The following METTL17 variants were observed in gnomAD, a reference collection of about 807,000 sequenced individuals.
METTL17 encodes methyltransferase like 17, also known as ribosome assembly protein METTL17, mitochondrial.
In METTL17, 49 loss-of-function variants were observed where a neutral mutation model predicts 59.4. The ratio of observed to expected loss-of-function variants is 0.82; its 90% CI spans 0.66 to 1.05. The LOEUF is 1.05. Ranked by LOEUF, METTL17 falls within the 50% of genes least tolerant of loss-of-function variation. The pLI, the probability that METTL17 is intolerant of heterozygous loss-of-function variation, is 0.00. For synonymous variants in METTL17, 208 were observed against 209.2 expected, an observed-to-expected ratio of 0.99 and a Z score of 0.05; for missense variants, 555 against 578.4, an observed-to-expected ratio of 0.96 and a Z score of 0.41.
chr14:20,992,957 A>G (rs1280891770), intron 5 of METTL17, 161 bp from the exon 6 acceptor site: 1 of 660,310 alleles, frequency 1.5e-6, no homozygotes, highest in Non-Finnish European at 2.7e-6. Flanking sequence ...AAAGGTTTAG[A>G]ATCACTATTT....
chr14:20,996,004 C>T lies in METTL17; in HGVS notation c.996+53C>T, dbSNP rs368836904. ...ACACGGATCTGAACTTAGGCGTGGCCGGGAAATGTAAGATGGTAAAGCTAA... is the reference window on the plus strand; with the variant it reads ...ACACGGATCTGAACTTAGGCGTGGCTGGGAAATGTAAGATGGTAAAGCTAA... On this transcript the variant is annotated intron_variant, in intron 11 of 13. Transcript: ENST00000339374. 87 of 1,587,150 alleles carry T rather than the reference C, an allele frequency of 5.5e-5. 1 individual carries two copies. The highest frequency in any genetic ancestry group is 1.3e-4 in the African/African-American group (10 of 74,418).
At chr14:20,993,745 T>A (rs56023476) in intron 6 of METTL17, 19,550 of 331,506 alleles carry the variant, frequency 0.059, 771 homozygotes, top group Middle Eastern at 0.076. Context: ...AGTGCTGGGA[T>A]TACAAGCATG....
At chr14:20,994,396 C>G in intron 7 of METTL17, 147 bp from the exon 8 acceptor site, 1 of 725,490 alleles carries the variant, frequency 1.4e-6, no homozygotes, top group East Asian at 2.5e-5. Context: ...GCTGGGATTA[C>G]AGGCACGCAC....
chr14:20,996,389 A>G, intron 12 of METTL17, 97 bp downstream of exon 12: 2 of 1,497,356 alleles, frequency 1.3e-6, no homozygotes, highest in South Asian at 1.2e-5. Flanking sequence ...TTTGTAGAAT[A>G]GCCTGGAGAC....
At position 20,996,965 on chromosome 14, in the gene METTL17, G is replaced by C; in HGVS notation, c.*75G>C. The C allele has an allele frequency of 1.4e-6, 2 of 1,444,534 alleles. No homozygotes were observed. Among genetic ancestry groups the C allele is most frequent in the Non-Finnish European group, 1.9e-6 (2 of 1,058,154 alleles). The allele number at this position is 1,444,534 out of a possible 1,614,324, so 89.5% of individuals were successfully genotyped here. A position where few individuals can be genotyped will look rare whatever the true frequency, so the allele number is the denominator to read the frequency against. On this transcript the variant is annotated 3_prime_UTR_variant, in exon 14 of 14. Transcript: ENST00000339374. Reference sequence around the variant, plus strand: ...GCTGCCTGGTATCCAGGAGGGGAATGCTGGTATCCCCATATGTCTGTGTTT... The same window carrying C: ...GCTGCCTGGTATCCAGGAGGGGAATCCTGGTATCCCCATATGTCTGTGTTT...
At position 20,992,964 on chromosome 14, in the gene METTL17, A is replaced by G. The variant is rs992977008; in HGVS notation, c.529-154A>G. The stretch of plus-strand genomic sequence containing the variant: ...GACCCAAGAAAGGTTTAGAATCACT[A>G]TTTTAGGAGATTCTTATCCCATAAG... On this transcript the variant is annotated intron_variant, in intron 5 of 13. Coordinates refer to ENST00000339374, the MANE Select transcript of METTL17 (RefSeq NM_022734.3). 47 of 677,658 alleles carry G rather than the reference A, an allele frequency of 6.9e-5. 1 individual carries two copies. The East Asian group carries it at 8.0e-4, about 11-fold the overall frequency. The allele number at this position is 677,658 out of a possible 1,614,324, so 42.0% of individuals were successfully genotyped here. A position where few individuals can be genotyped will look rare whatever the true frequency, so the allele number is the denominator to read the frequency against.
At chr14:20,991,789 A>G (rs960126907) in intron 3 of METTL17, 1 of 233,780 alleles carries the variant, frequency 4.3e-6, no homozygotes, top group African/African-American at 2.4e-5. Context: ...TCAGCCTCCC[A>G]AAGTGCTGAG....
At chr14:20,995,692 T>C (rs534409958) in intron 10 of METTL17, 22 of 576,298 alleles carry the variant, frequency 3.8e-5, no homozygotes, top group South Asian at 3.4e-4. Flanking sequence ...AGCACCGTAC[T>C]ATGTGCCAAG....
intron 4 of METTL17, 24 bp from the exon 5 acceptor site, chr14:20,992,517 A>T: frequency 6.3e-7 from 1 of 1,576,968 alleles, no homozygotes; most frequent in Non-Finnish European, 8.7e-7. Context: ...ACTAGTATGT[A>T]CAACTCTGTG....
At chr14:20,995,380 G>A (rs1880310654) in intron 10 of METTL17, 147 bp downstream of exon 10, 1 of 703,500 alleles carries the variant, frequency 1.4e-6, no homozygotes, top group Non-Finnish European at 2.5e-6. Context: ...AGCAGTGGTT[G>A]GCAAATGAGA....
At position 20,992,561 on chromosome 14, in the gene METTL17, T is replaced by G. The variant is rs1291841708; in HGVS notation, c.467T>G (p.Leu156Arg). ...QELSYTEGLSLVYMAARLDGG... is the reference protein window; with the variant it reads ...QELSYTEGLSRVYMAARLDGG... ...GGCAGCTACACTGAGGGACTGAGCCTGGTGTATATGGCAGCAAGACTGGAT... is the reference window on the plus strand; with the variant it reads ...GGCAGCTACACTGAGGGACTGAGCCGGGTGTATATGGCAGCAAGACTGGAT... Residue 156 changes from leucine (L) to arginine (R), a missense_variant, in exon 5 of 14, where the codon CTG (leucine) becomes CGG (arginine). Coordinates refer to ENST00000339374, the MANE Select transcript of METTL17 (RefSeq NM_022734.3). The G allele has an allele frequency of 6.2e-7, 1 of 1,613,882 alleles. No homozygotes were observed. The highest frequency in any genetic ancestry group is 1.3e-5 in the African/African-American group (1 of 74,908).
Position 20,996,853 on chromosome 14 carries a change from T to C in METTL17, c.1334T>C (p.Phe445Ser), listed in dbSNP as rs1481747924. ...DLLPVLTPSA[F>S]PPSTAQDPSE... The stretch of plus-strand genomic sequence containing the variant: ...TTACCTGTGCTTACTCCGTCTGCGT[T>C]TCCTCCATCTACGGCTCAGGATCCC... Residue 445 changes from phenylalanine to serine, a missense_variant, in exon 14 of 14, where the codon TTT becomes TCT. By Grantham distance (155) the Phe-to-Ser change is radical. Transcript: ENST00000339374. The C allele has an allele frequency of 1.2e-6, 2 of 1,613,296 alleles. No individual in the cohort carries two copies. The highest frequency in any genetic ancestry group is 1.7e-5 in the Admixed American group (1 of 60,012).
Position 20,997,011 on chromosome 14 carries a change from A to G in METTL17, c.*121A>G, listed in dbSNP as rs1880425597. The G allele has an allele frequency of 2.8e-6, 3 of 1,068,616 alleles. 1 individual carries two copies. The East Asian group carries it at 8.3e-5, about 30-fold the overall frequency. The allele number at this position is 1,068,616 out of a possible 1,614,324, so 66.2% of individuals were successfully genotyped here. On this transcript the variant is annotated 3_prime_UTR_variant, in exon 14 of 14. Transcript: ENST00000339374. ...TGTTTGTTTGAGATTTTTAATAATA[A>G]ATAATAAATTTTTGAAGAATGGAAG...
intron 9 of METTL17, 23 bp from the exon 10 acceptor site, chr14:20,995,142 A>G: frequency 6.2e-7 from 1 of 1,609,370 alleles, no homozygotes; most frequent in East Asian, 2.2e-5. Context: ...AGTCTTCTGC[A>G]TATTTTCCCC....
chr14:20,991,985 C>G (rs1416726339), intron 3 of METTL17, 139 bp from the exon 4 acceptor site: 2 of 701,272 alleles, frequency 2.9e-6, no homozygotes, highest in Non-Finnish European at 4.9e-6. Flanking sequence ...AAACTTTTCT[C>G]TAGGTTTGTC....
chr14:20,990,975 C>T (rs1488129478), intron 3 of METTL17, among the ~76,000 whole-genome samples: 4 of 152,034 alleles, frequency 2.6e-5, no homozygotes, highest in African/African-American at 7.2e-5. Flanking sequence ...GGATTACAGG[C>T]GTGCACCACC....
chr14:20,994,723 G>A (rs569311964), intron 8 of METTL17, 71 bp from the exon 9 acceptor site: 34 of 1,531,560 alleles, frequency 2.2e-5, no homozygotes, highest in Middle Eastern at 1.7e-4. Context: ...GAAATTTAGC[G>A]GCTAGGACTT....
chr14:20,991,181 T>A (rs12880712), intron 3 of METTL17, among the ~76,000 whole-genome samples: 1 of 151,976 alleles, frequency 6.6e-6, no homozygotes. Context: ...GTCCACTGGA[T>A]TAGGACCTTC....
Position 20,994,832 on chromosome 14 carries a change from T to C in METTL17, c.807T>C (p.Ser269=). 1 of 1,614,194 alleles carries C rather than the reference T, an allele frequency of 6.2e-7. No homozygotes were observed. The highest frequency in any genetic ancestry group is 1.3e-5 in the African/African-American group (1 of 75,054). ...FDVVVSAFSL[S]ELPSKADRTE... ...TAGTAGTGTCAGCTTTTTCCTTAAGTGAACTGCCCAGCAAGGCTGACCGCA... is the reference window on the plus strand; with the variant it reads ...TAGTAGTGTCAGCTTTTTCCTTAAGCGAACTGCCCAGCAAGGCTGACCGCA... The change falls in exon 9 of 14, where the codon AGT becomes AGC. Residue 269 remains serine, a synonymous_variant. Transcript: ENST00000339374.
Sources: allele counts gnomAD v4.1 joint callset (sites outside exome capture counted in the v4.1 genomes callset), GRCh38; gene constraint gnomAD v4.1.1; transcripts MANE v1.5; gene names NCBI Gene and HGNC (gene_info 2026-07-23, HGNC 2026-07-21).